Variants in CNBD2 observed in about 807,000 individuals in gnomAD.
CNBD2 encodes the protein cyclic nucleotide binding domain containing 2.
A neutral mutation model predicts 63.7 loss-of-function variants in CNBD2; 64 were observed. That is an observed-to-expected ratio of 1.00 (90% CI 0.82 to 1.24). The LOEUF (loss-of-function observed/expected upper bound fraction) is 1.24, where lower values mean the gene tolerates loss of function less well. CNBD2 is among the 50% of genes most tolerant of loss of function. The pLI, the probability that CNBD2 is intolerant of heterozygous loss-of-function variation, is 0.00. For missense variants in CNBD2, 691 were observed against 713.5 expected (o/e 0.97, Z 0.36); for synonymous variants, 229 against 255.4 (o/e 0.90, Z 0.99).
chr20:35,971,146 ACCGTGTTAG>A (rs2056411090), intron 1 of CNBD2, among the ~76,000 whole-genome samples: 1 of 150,724 alleles, frequency 6.6e-6, no homozygotes, highest in Non-Finnish European at 1.5e-5. Context: ...ACGGGGTTTC[ACCGTGTTAG>A]CCGGGATGGT....
At chr20:35,994,930 A>C (rs2056802307) in intron 7 of CNBD2, 108 bp from the exon 8 acceptor site, 2 of 736,062 alleles carry the variant, frequency 2.7e-6, no homozygotes, top group Admixed American at 5.4e-5. Flanking sequence ...GCATTAAGCA[A>C]ATAAAACAAA....
intron 11 of CNBD2, among the ~76,000 whole-genome samples, chr20:36,026,024 C>T (rs914895498): frequency 4.0e-5 from 6 of 151,820 alleles, no homozygotes; most frequent in African/African-American, 1.5e-4. Flanking sequence ...GTCTCTCCAC[C>T]CCGGCTTTGT....
upstream of CNBD2, among the ~76,000 whole-genome samples, chr20:35,964,762 C>T (rs906720671): frequency 3.3e-5 from 5 of 150,372 alleles, no homozygotes; most frequent in African/African-American, 9.8e-5. Context: ...GAGTGCAGTG[C>T]CATGATCTCG....
chr20:35,958,681 G>A (rs1052884318), downstream of CNBD2, among the ~76,000 whole-genome samples: 4 of 151,790 alleles, frequency 2.6e-5, no homozygotes, highest in Non-Finnish European at 5.9e-5. Flanking sequence ...CAATTTTATC[G>A]TGTGTGGATT....
chr20:35,960,483 G>T (rs2056297297), intron 2 of CNBD2, among the ~76,000 whole-genome samples: 1 of 152,166 alleles, frequency 6.6e-6, no homozygotes. Flanking sequence ...GGGACCACAG[G>T]CGCGTACCGC....
At chr20:35,977,114 G>T (rs1045835102) in intron 3 of CNBD2, among the ~76,000 whole-genome samples, 2 of 152,222 alleles carry the variant, frequency 1.3e-5, no homozygotes, top group African/African-American at 4.8e-5. Flanking sequence ...TCAGGCAGGA[G>T]AAACTAGGGG....
chr20:36,008,313 A>G lies in CNBD2; in HGVS notation c.987A>G (p.Glu329=), dbSNP rs766526946. 1 of 1,611,056 alleles carries G rather than the reference A, an allele frequency of 6.2e-7. No individual in the cohort carries two copies. The highest frequency in any genetic ancestry group is 8.5e-7 in the Non-Finnish European group (1 of 1,179,126). Residue 329 remains glutamate, a synonymous_variant, in exon 9 of 12, where the codon GAA becomes GAG. Coordinates refer to ENST00000373973, the MANE Select transcript of CNBD2 (RefSeq NM_001365709.1). ...CTCTAACAGAATACTCTCCTATGGA[A>G]AGATTTAAGGAATTCCAGATCAAAT... ...KTHLSEYSPM[E]RFKEFQIKSY...
At chr20:35,966,772 C>G (rs2056348299), upstream of CNBD2, among the ~76,000 whole-genome samples, 1 of 152,164 alleles carries the variant, frequency 6.6e-6, no homozygotes, top group South Asian at 2.1e-4. Context: ...TGAACCTACT[C>G]CCAGCCTAGA....
downstream of CNBD2, among the ~76,000 whole-genome samples, chr20:35,955,810 A>G (rs1315848085): frequency 6.6e-6 from 1 of 151,984 alleles, no homozygotes; most frequent in Non-Finnish European, 1.5e-5. Flanking sequence ...TCCTCCGCCT[A>G]CCGGGTTCAA....
chr20:35,975,169 T>C (rs2056488136), intron 2 of CNBD2, among the ~76,000 whole-genome samples: 1 of 120,314 alleles, frequency 8.3e-6, no homozygotes, highest in Non-Finnish European at 1.7e-5. Flanking sequence ...GCCCGGCTAA[T>C]TTTTTGTATT....
chr20:36,009,701 G>A (rs1477959591), intron 9 of CNBD2, among the ~76,000 whole-genome samples: 3 of 151,896 alleles, frequency 2.0e-5, no homozygotes, highest in Non-Finnish European at 4.4e-5. Context: ...GTGTGGTGGC[G>A]GATGCCTGTA....
At chr20:36,003,017 C>G (rs2056936968) in intron 8 of CNBD2, among the ~76,000 whole-genome samples, 1 of 150,934 alleles carries the variant, frequency 6.6e-6, no homozygotes, top group Non-Finnish European at 1.5e-5. Context: ...TGGATAGTTT[C>G]TATTGCTATG....
At position 35,975,958 on chromosome 20, in the gene CNBD2, C is replaced by G. The variant is rs780688317; in HGVS notation, c.199C>G (p.Gln67Glu). 1 of 1,612,968 alleles carries G rather than the reference C, an allele frequency of 6.2e-7. No homozygotes were observed. The highest frequency in any genetic ancestry group is 8.5e-7 in the Non-Finnish European group (1 of 1,179,092). Residue 67 changes from glutamine to glutamate, a missense_variant, in exon 3 of 12, where the codon CAA becomes GAA. Coordinates refer to ENST00000373973, the MANE Select transcript of CNBD2 (RefSeq NM_001365709.1). ...PIFSFWDKKMQSRVTFDTMDF... is the reference protein window; with the variant it reads ...PIFSFWDKKMESRVTFDTMDF... ...GCCCTCTTTCTTTCAGAAAAAGATGCAAAGCCGAGTCACATTTGATACCAT... is the reference window on the plus strand; with the variant it reads ...GCCCTCTTTCTTTCAGAAAAAGATGGAAAGCCGAGTCACATTTGATACCAT...
At chr20:35,976,373 A>G (rs1760892294) in intron 3 of CNBD2, among the ~76,000 whole-genome samples, 1 of 152,146 alleles carries the variant, frequency 6.6e-6, no homozygotes, top group African/African-American at 2.4e-5. Context: ...ACCTGTGTGA[A>G]TTCTGGTTCT....
intron 10 of CNBD2, among the ~76,000 whole-genome samples, chr20:36,019,414 T>A (rs2057177317): frequency 6.6e-6 from 1 of 151,074 alleles, no homozygotes; most frequent in Non-Finnish European, 1.5e-5. Context: ...TCCCAGCTAC[T>A]CGGGAGGCTG....
At chr20:36,021,164 G>A (rs1036605015) in intron 10 of CNBD2, among the ~76,000 whole-genome samples, 8 of 152,160 alleles carry the variant, frequency 5.3e-5, no homozygotes, top group African/African-American at 1.2e-4. Flanking sequence ...CTAAGTGTCC[G>A]TTAACAGATG....
chr20:35,991,310 A>G (rs1404531719), intron 7 of CNBD2, among the ~76,000 whole-genome samples: 3 of 152,252 alleles, frequency 2.0e-5, no homozygotes, highest in African/African-American at 4.8e-5. Flanking sequence ...CACATTCTGT[A>G]TAACAGGTTT....
intron 11 of CNBD2, among the ~76,000 whole-genome samples, chr20:36,026,182 C>A (rs956078277): frequency 6.6e-6 from 1 of 152,092 alleles, no homozygotes; most frequent in Non-Finnish European, 1.5e-5. Flanking sequence ...AACAGGCAGG[C>A]GCCACCATGC....
intron 10 of CNBD2, among the ~76,000 whole-genome samples, chr20:36,022,331 C>T (rs1358029164): frequency 1.3e-5 from 2 of 150,224 alleles, no homozygotes; most frequent in African/African-American, 2.5e-5. Context: ...CCCAAGTAGC[C>T]GGAACTACAG....
Sources: allele counts gnomAD v4.1 joint callset (sites outside exome capture counted in the v4.1 genomes callset), GRCh38; gene constraint gnomAD v4.1.1; transcripts MANE v1.5; gene names NCBI Gene and HGNC (gene_info 2026-07-23, HGNC 2026-07-21).